Variants in ADGRB3 observed in about 807,000 individuals in gnomAD.
ADGRB3 encodes the protein brain-specific angiogenesis inhibitor 3.
A neutral mutation model predicts 193.4 loss-of-function variants in ADGRB3; 37 were observed. The observed-to-expected ratio is 0.19, with a 90% CI of 0.15 to 0.25. The LOEUF is 0.25. ADGRB3 is among the 10% of genes least tolerant of loss of function. The pLI is 1.00. For missense variants in ADGRB3, 1,637 were observed against 1,852.9 expected (o/e 0.88, Z 2.14); for synonymous variants, 690 against 644.2 (o/e 1.07, Z -1.08).
chr6:69,062,256 T>C (rs918920961), intron 15 of ADGRB3, among the ~76,000 whole-genome samples: 10 of 151,966 alleles, frequency 6.6e-5, no homozygotes, highest in African/African-American at 4.8e-5. Context: ...TATTGGTAGA[T>C]AATTTCTTGT....
chr6:69,226,474 T>C (rs1766018111), intron 17 of ADGRB3, among the ~76,000 whole-genome samples: 1 of 152,206 alleles, frequency 6.6e-6, no homozygotes, highest in Non-Finnish European at 1.5e-5. Flanking sequence ...CCTCATGATA[T>C]GTACATTCTA....
intron 17 of ADGRB3, among the ~76,000 whole-genome samples, chr6:69,132,569 G>T (rs1245995563): frequency 6.6e-6 from 1 of 152,024 alleles, no homozygotes; most frequent in South Asian, 2.1e-4. Context: ...CTCCCATTCT[G>T]TAGGCTGCCT....
chr6:69,132,541 A>C, intron 17 of ADGRB3, among the ~76,000 whole-genome samples: 1 of 151,772 alleles, frequency 6.6e-6, no homozygotes. Context: ...TGTCAGATGG[A>C]TAGATTGCAA....
At chr6:68,973,262 C>A (rs1185786105) in intron 8 of ADGRB3, among the ~76,000 whole-genome samples, 1 of 152,146 alleles carries the variant, frequency 6.6e-6, no homozygotes, top group African/African-American at 2.4e-5. Context: ...CAAGCTTCCT[C>A]TTTTTGGGCC....
intron 17 of ADGRB3, among the ~76,000 whole-genome samples, chr6:69,140,322 T>C (rs1013323978): frequency 2.0e-5 from 3 of 152,196 alleles, no homozygotes; most frequent in Non-Finnish European, 4.4e-5. Context: ...TGCAATCTTA[T>C]ATGATATACA....
chr6:68,854,634 G>T (rs1220740196), intron 3 of ADGRB3, among the ~76,000 whole-genome samples: 1 of 151,994 alleles, frequency 6.6e-6, no homozygotes, highest in East Asian at 1.9e-4. Flanking sequence ...TCTTAGCAAA[G>T]GGTTTGGCCA....
intron 11 of ADGRB3, among the ~76,000 whole-genome samples, chr6:68,998,020 A>G (rs974701450): frequency 3.9e-5 from 6 of 152,224 alleles, no homozygotes; most frequent in Non-Finnish European, 8.8e-5. Flanking sequence ...TTCAAATTAT[A>G]TAAGTTATTA....
chr6:69,064,551 T>C (rs1771842637), intron 16 of ADGRB3, among the ~76,000 whole-genome samples: 1 of 152,090 alleles, frequency 6.6e-6, no homozygotes, highest in Admixed American at 6.6e-5. Context: ...ACATTTGCTT[T>C]TGAATAAAGA....
intron 20 of ADGRB3, among the ~76,000 whole-genome samples, chr6:69,318,307 T>C (rs1010516909): frequency 6.6e-6 from 1 of 151,494 alleles, no homozygotes. Flanking sequence ...TTCTGAATTA[T>C]ATCAAATGCT....
chr6:68,873,701 A>G (rs1765519276), intron 3 of ADGRB3, among the ~76,000 whole-genome samples: 2 of 152,152 alleles, frequency 1.3e-5, no homozygotes, highest in Admixed American at 1.3e-4. Context: ...AGTGTACGAT[A>G]TCATTACAAG....
chr6:68,716,244 A>G (rs1467899390), intron 3 of ADGRB3, among the ~76,000 whole-genome samples: 1 of 151,736 alleles, frequency 6.6e-6, no homozygotes, highest in East Asian at 1.9e-4. Context: ...AGCTGCTTTA[A>G]TTAAAATATA....
At chr6:68,733,357 T>C (rs1377879039) in intron 3 of ADGRB3, among the ~76,000 whole-genome samples, 1 of 151,290 alleles carries the variant, frequency 6.6e-6, no homozygotes, top group Non-Finnish European at 1.5e-5. Context: ...AGATGCAGCC[T>C]GAGGCCATTA....
chr6:69,204,752 T>C (rs1485990347), intron 17 of ADGRB3, among the ~76,000 whole-genome samples: 1 of 152,156 alleles, frequency 6.6e-6, no homozygotes, highest in African/African-American at 2.4e-5. Context: ...TTGGGTTCTT[T>C]TTTTCTTTTT....
chr6:69,147,126 T>C (rs984461511), intron 17 of ADGRB3, among the ~76,000 whole-genome samples: 4 of 152,264 alleles, frequency 2.6e-5, no homozygotes, highest in African/African-American at 9.6e-5. Flanking sequence ...TGTTGTTTTC[T>C]TTCTACCAAT....
chr6:68,850,114 G>A (rs982400847), intron 3 of ADGRB3, among the ~76,000 whole-genome samples: 2 of 151,184 alleles, frequency 1.3e-5, no homozygotes, highest in African/African-American at 4.8e-5. Context: ...ATTTTGTTCT[G>A]TAACCTCAGG....
chr6:68,662,934 A>C (rs934987702), intron 3 of ADGRB3, among the ~76,000 whole-genome samples: 3 of 150,706 alleles, frequency 2.0e-5, no homozygotes, highest in African/African-American at 7.3e-5. Context: ...ATATTATAAT[A>C]TATAGTATAA....
chr6:68,790,017 G>C (rs559060248), intron 3 of ADGRB3, among the ~76,000 whole-genome samples: 1 of 152,174 alleles, frequency 6.6e-6, no homozygotes, highest in Admixed American at 6.5e-5. Context: ...GTCCTTTAAG[G>C]ACTTCTCTGC....
At chr6:69,153,576 G>T (rs1026247426) in intron 17 of ADGRB3, among the ~76,000 whole-genome samples, 1 of 152,074 alleles carries the variant, frequency 6.6e-6, no homozygotes, top group Non-Finnish European at 1.5e-5. Flanking sequence ...CTAAAGAAAA[G>T]TTCATCAAGC....
intron 20 of ADGRB3, among the ~76,000 whole-genome samples, chr6:69,262,653 C>A (rs1391137235): frequency 6.6e-6 from 1 of 151,754 alleles, no homozygotes; most frequent in African/African-American, 2.4e-5. Flanking sequence ...GTTCCAGTTA[C>A]CAGTGGTTAA....
Sources: allele counts gnomAD v4.1 joint callset (sites outside exome capture counted in the v4.1 genomes callset), GRCh38; gene constraint gnomAD v4.1.1; transcripts MANE v1.5; gene names NCBI Gene and HGNC (gene_info 2026-07-23, HGNC 2026-07-21).